The following DTHD1 variants were observed in gnomAD, a reference collection of about 807,000 sequenced individuals.
DTHD1 encodes the protein death domain containing 1, also known as death domain-containing protein 1.
A neutral mutation model predicts 74.8 loss-of-function variants in DTHD1; 59 were observed. That is an observed-to-expected ratio of 0.79 (90% confidence interval 0.64 to 0.98). The LOEUF (loss-of-function observed/expected upper bound fraction) is 0.98, where lower values mean the gene tolerates loss of function less well. Among genes scored for constraint, DTHD1 ranks in the 50% least tolerant of loss-of-function variants. DTHD1 has a pLI of 0.00. For synonymous variants in DTHD1, 365 were observed against 371.1 expected (o/e 0.98, Z 0.19); for missense variants, 1,051 against 1,065.4 (o/e 0.99, Z 0.19).
At chr4:36,334,461 C>T (rs1758889462) in intron 8 of DTHD1, among the ~76,000 whole-genome samples, 1 of 150,932 alleles carries the variant, frequency 6.6e-6, no homozygotes, top group Non-Finnish European at 1.5e-5. Context: ...CGGGATCAAG[C>T]GATTCTCTTG....
chr4:36,315,809 T>A (rs903330059), intron 7 of DTHD1: 3 of 153,694 alleles, frequency 2.0e-5, no homozygotes, highest in African/African-American at 7.2e-5. Context: ...ACATGGTCTC[T>A]GCCTATTGCT....
At chr4:36,297,035 C>T (rs572675955) in intron 5 of DTHD1, among the ~76,000 whole-genome samples, 4 of 152,060 alleles carry the variant, frequency 2.6e-5, no homozygotes, top group Admixed American at 1.3e-4. Context: ...GAAAAGAAAA[C>T]GTTATTAAGA....
chr4:36,294,376 T>C (rs914465395), intron 4 of DTHD1, among the ~76,000 whole-genome samples: 2 of 151,944 alleles, frequency 1.3e-5, no homozygotes, highest in Non-Finnish European at 2.9e-5. Flanking sequence ...CTTTGAAATG[T>C]TGGAATCATC....
At chr4:36,319,342 A>C (rs1475821878) in intron 8 of DTHD1, among the ~76,000 whole-genome samples, 1 of 152,176 alleles carries the variant, frequency 6.6e-6, no homozygotes, top group African/African-American at 2.4e-5. Context: ...AAGTTTAAGA[A>C]CTATTGACTT....
intron 7 of DTHD1, among the ~76,000 whole-genome samples, chr4:36,315,313 C>A (rs1379140814): frequency 6.6e-6 from 1 of 152,178 alleles, no homozygotes; most frequent in African/African-American, 2.4e-5. Context: ...TTAGGAGAAT[C>A]TGTCAGGTTT....
At chr4:36,333,218 C>T (rs1758800023) in intron 8 of DTHD1, among the ~76,000 whole-genome samples, 1 of 151,542 alleles carries the variant, frequency 6.6e-6, no homozygotes, top group Admixed American at 6.6e-5. Context: ...ATATATAGTA[C>T]ATGTTACATA....
At chr4:36,342,359 TAATGGA>T (rs1759360643) in intron 9 of DTHD1, among the ~76,000 whole-genome samples, 1 of 151,946 alleles carries the variant, frequency 6.6e-6, no homozygotes, top group Non-Finnish European at 1.5e-5. Flanking sequence ...AATAGTTCAG[TAATGGA>T]AGGCAGATGG....
intron 7 of DTHD1, among the ~76,000 whole-genome samples, chr4:36,312,364 C>T (rs1196513046): frequency 6.6e-6 from 1 of 151,740 alleles, no homozygotes; most frequent in African/African-American, 2.4e-5. Flanking sequence ...ATATAATAAC[C>T]ATTCTTTAAT....
intron 8 of DTHD1, among the ~76,000 whole-genome samples, chr4:36,316,709 T>G (rs1321248089): frequency 6.6e-6 from 1 of 152,218 alleles, no homozygotes; most frequent in Admixed American, 6.5e-5. Flanking sequence ...TTCAGATTGG[T>G]CTGGTCCCCA....
chr4:36,290,766 A>G, intron 3 of DTHD1, 63 bp downstream of exon 3: 1 of 1,279,164 alleles, frequency 7.8e-7, no homozygotes, highest in East Asian at 2.5e-5. Flanking sequence ...TATCACTCAG[A>G]CTAACAGATT....
chr4:36,284,694 T>C, intron 2 of DTHD1, 103 bp downstream of exon 2: 1 of 919,264 alleles, frequency 1.1e-6, no homozygotes, highest in Non-Finnish European at 1.6e-6. Flanking sequence ...CAACAAAACA[T>C]CATAAAGTGA....
chr4:36,313,517 T>C (rs1351129476), intron 7 of DTHD1, among the ~76,000 whole-genome samples: 1 of 152,110 alleles, frequency 6.6e-6, no homozygotes, highest in East Asian at 1.9e-4. Flanking sequence ...AAATATATTA[T>C]TATGCCTTAA....
Position 36,343,555 on chromosome 4 carries a change from A to G in DTHD1, c.2452A>G (p.Asn818Asp). 1 of 1,551,534 alleles carries G rather than the reference A, an allele frequency of 6.4e-7. No individual in the cohort carries two copies. Among genetic ancestry groups the G allele is most frequent in the South Asian group, 1.2e-5 (1 of 84,054 alleles). ...HWLAEELSEE[N>D]AESLSSTLPL... ...GCTGGCTGAGGAGCTCTCAGAAGAA[A>G]ATGCTGAGTCTCTTTCCTCAACTCT... The change falls in exon 10 of 10, where the codon AAT becomes GAT. Residue 818 changes from asparagine (N) to aspartate (D), a missense_variant. Physicochemically the swap from Asn to Asp is conservative, Grantham distance 23 (BLOSUM62 1). Coordinates refer to ENST00000639862, the MANE Select transcript of DTHD1 (RefSeq NM_001170700.3).
At chr4:36,286,463 TAAAC>T (rs1428375429) in intron 2 of DTHD1, among the ~76,000 whole-genome samples, 3 of 152,218 alleles carry the variant, frequency 2.0e-5, no homozygotes. Flanking sequence ...ATGTGTGTGA[TAAAC>T]AAAACCTCAC....
chr4:36,297,036 G>A (rs950205892), intron 5 of DTHD1, among the ~76,000 whole-genome samples: 6 of 152,236 alleles, frequency 3.9e-5, no homozygotes, highest in South Asian at 2.1e-4. Flanking sequence ...AAAAGAAAAC[G>A]TTATTAAGAA....
rs113373659 is a variant in DTHD1, at chr4:36,347,378, T to G, written c.*3554T>G. 6.6e-6 allele frequency among the ~76,000 whole-genome samples: 1 copy of G among 152,148 alleles called. No individual in the cohort carries two copies. Among genetic ancestry groups the G allele is most frequent in the Non-Finnish European group, 1.5e-5 (1 of 68,008 alleles). ...CATTAATGTATAATATTCTATTATATGCATATATTAAAATTTTCATATCAA... is the reference window on the plus strand; with the variant it reads ...CATTAATGTATAATATTCTATTATAGGCATATATTAAAATTTTCATATCAA... On this transcript the variant is annotated 3_prime_UTR_variant, in exon 10 of 10. Coordinates refer to ENST00000639862, the MANE Select transcript of DTHD1 (RefSeq NM_001170700.3).
In DTHD1 at chr4:36,284,245, A is replaced by G; in HGVS notation, c.541A>G (p.Lys181Glu). The G allele has an allele frequency of 2.0e-6, 3 of 1,537,202 alleles. No individual in the cohort carries two copies. The highest frequency in any genetic ancestry group is 2.6e-6 in the Non-Finnish European group (3 of 1,146,862). Residue 181 changes from lysine (K) to glutamate (E), a missense_variant, in exon 2 of 10, where the codon AAA becomes GAA. Physicochemically the swap from Lys to Glu is moderately conservative, Grantham distance 56. Coordinates refer to ENST00000639862, the MANE Select transcript of DTHD1 (RefSeq NM_001170700.3). ...AAACCAGGTCCAGTTAGAAAAAAAT[A>G]AAACACATATGAGTTCAGCATTAGT... ...YTNQVQLEKN[K>E]THMSSALVEK...
chr4:36,336,125 C>A (rs1247156560), intron 8 of DTHD1, among the ~76,000 whole-genome samples: 2 of 152,188 alleles, frequency 1.3e-5, no homozygotes, highest in Non-Finnish European at 2.9e-5. Flanking sequence ...CCACTATGCC[C>A]ATTTAAATGT....
chr4:36,339,106 C>T lies in DTHD1; in HGVS notation c.2341-6C>T. On this transcript the variant is annotated splice_polypyrimidine_tract_variant and splice_region_variant and intron_variant, in intron 8 of 9. Transcript: ENST00000639862. Reference sequence around the variant, plus strand: ...CTGTTTATTTTGTGTTCCTTTCCCCCAATAGCATAAGAAATTAATCAACCG... The same window carrying T: ...CTGTTTATTTTGTGTTCCTTTCCCCTAATAGCATAAGAAATTAATCAACCG... 1 of 1,544,832 alleles carries T rather than the reference C, an allele frequency of 6.5e-7. No homozygotes were observed. Among genetic ancestry groups the T allele is most frequent in the Non-Finnish European group, 8.8e-7 (1 of 1,142,232 alleles).
Sources: allele counts gnomAD v4.1 joint callset (sites outside exome capture counted in the v4.1 genomes callset), GRCh38; gene constraint gnomAD v4.1.1; transcripts MANE v1.5; gene names NCBI Gene and HGNC (gene_info 2026-07-23, HGNC 2026-07-21).